Variants in TECRL observed in about 807,000 individuals in gnomAD.
TECRL encodes the protein trans-2,3-enoyl-CoA reductase-like.
In TECRL, 63 loss-of-function variants were observed where a neutral mutation model predicts 52.8. That is an observed-to-expected ratio of 1.19 (90% CI 0.97 to 1.47). The LOEUF is 1.47. Ranked by LOEUF, TECRL falls within the 40% of genes most tolerant of loss-of-function variation. The probability of loss-of-function intolerance (pLI) is 0.00; values close to 1 mark genes in which losing one functional copy is unlikely to be tolerated. For synonymous variants in TECRL, 164 were observed against 141.9 expected (o/e 1.16, Z -1.10); for missense variants, 482 against 429.6 (o/e 1.12, Z -1.08).
chr4:64,357,115 T>C (rs1424804477), intron 2 of TECRL, among the ~76,000 whole-genome samples: 1 of 152,132 alleles, frequency 6.6e-6, no homozygotes, highest in Non-Finnish European at 1.5e-5. Flanking sequence ...TAATGCCATA[T>C]AATATCACCC....
chr4:64,277,593 C>A (rs1722617137), downstream of TECRL: 1 of 151,860 alleles, frequency 6.6e-6, no homozygotes, highest in East Asian at 1.9e-4. Flanking sequence ...ACAGCCCCTA[C>A]CCAGTGTATA....
chr4:64,306,245 C>A (rs1410491635), intron 6 of TECRL, among the ~76,000 whole-genome samples: 3 of 152,134 alleles, frequency 2.0e-5, no homozygotes, highest in Admixed American at 2.0e-4. Flanking sequence ...AGGACTTTGT[C>A]AAAACCTCTT....
At chr4:64,404,377 T>C (rs890982866) in intron 1 of TECRL, among the ~76,000 whole-genome samples, 1 of 152,066 alleles carries the variant, frequency 6.6e-6, no homozygotes, top group African/African-American at 2.4e-5. Flanking sequence ...CATTGACTTA[T>C]CAGTAGATAA....
intron 1 of TECRL, among the ~76,000 whole-genome samples, chr4:64,382,507 A>C (rs1255115698): frequency 6.6e-6 from 1 of 150,896 alleles, no homozygotes; most frequent in Non-Finnish European, 1.5e-5. Flanking sequence ...TTTATTTTCA[A>C]ATTTAACTAA....
At position 64,279,906 on chromosome 4, in the gene TECRL, A is replaced by G; in HGVS notation, c.*166T>C. 1.6e-6 allele frequency: 2 copies of G among 1,214,542 alleles called. No individual in the cohort carries two copies. The highest frequency in any genetic ancestry group is 2.1e-6 in the Non-Finnish European group (2 of 972,260). The allele number at this position is 1,214,542 out of a possible 1,614,324, so 75.2% of individuals were successfully genotyped here. A position where few individuals can be genotyped will look rare whatever the true frequency, so the allele number is the denominator to read the frequency against. On this transcript the variant is annotated 3_prime_UTR_variant, in exon 12 of 12. Transcript: ENST00000381210. Reference sequence around the variant, plus strand: ...TTTATAATTTATACTTTTTATTACCATGTGCATTTCTCTAAATTTAGTGAA... The same window carrying G: ...TTTATAATTTATACTTTTTATTACCGTGTGCATTTCTCTAAATTTAGTGAA...
chr4:64,309,964 T>A (rs1232319647), intron 5 of TECRL, 33 bp from the exon 6 acceptor site: 1 of 1,434,466 alleles, frequency 7.0e-7, no homozygotes. Context: ...AACATGAAAA[T>A]CCTTTTGAAG....
intron 2 of TECRL, among the ~76,000 whole-genome samples, chr4:64,334,780 C>T (rs748342356): frequency 1.3e-5 from 2 of 152,080 alleles, no homozygotes; most frequent in Admixed American, 6.6e-5. Flanking sequence ...AGCTGGTTGC[C>T]TGTGATACGA....
At chr4:64,370,161 T>C (rs1237377724) in intron 2 of TECRL, among the ~76,000 whole-genome samples, 2 of 151,832 alleles carry the variant, frequency 1.3e-5, no homozygotes, top group Non-Finnish European at 2.9e-5. Flanking sequence ...TAAAGGTAGT[T>C]CAAATGGTCA....
intron 2 of TECRL, among the ~76,000 whole-genome samples, chr4:64,332,101 T>C (rs543891146): frequency 2.6e-5 from 4 of 152,292 alleles, no homozygotes; most frequent in Admixed American, 6.5e-5. Flanking sequence ...AAGCTGAGTC[T>C]AGCAACTACC....
chr4:64,350,062 AG>A (rs1253754903), intron 2 of TECRL, among the ~76,000 whole-genome samples: 2 of 137,480 alleles, frequency 1.5e-5, no homozygotes, highest in Non-Finnish European at 3.1e-5. Flanking sequence ...ACATAAGGAA[AG>A]AATCAACATC....
chr4:64,397,316 TAA>T (rs961939354), intron 1 of TECRL, among the ~76,000 whole-genome samples: 46 of 152,184 alleles, frequency 3.0e-4, no homozygotes, highest in Admixed American at 5.2e-4. Context: ...ACTGGATATA[TAA>T]GTTTGCCTAA....
At chr4:64,368,179 A>C (rs1165866158) in intron 2 of TECRL, among the ~76,000 whole-genome samples, 1 of 152,184 alleles carries the variant, frequency 6.6e-6, no homozygotes, top group Non-Finnish European at 1.5e-5. Flanking sequence ...TTACCAAAAA[A>C]TGTTACCATG....
intron 2 of TECRL, among the ~76,000 whole-genome samples, chr4:64,355,470 T>C (rs181946259): frequency 4.6e-5 from 7 of 152,114 alleles, no homozygotes; most frequent in South Asian, 4.1e-4. Flanking sequence ...CAAGAGATTA[T>C]GTAAAAGGGA....
Position 64,331,224 on chromosome 4 carries a change from T to A in TECRL, c.287-2668A>T, listed in dbSNP as rs562814713. Among the ~76,000 whole-genome samples the A allele has an allele frequency of 3.3e-5, 5 of 152,154 alleles. No homozygotes were observed. The East Asian group carries it at 9.7e-4, about 29-fold the overall frequency. On this transcript the variant is annotated intron_variant, in intron 2 of 11. Transcript: ENST00000381210. ...CCTGTTCAAAGATAGAAAATATATA[T>A]CCCCTGAGAATTTGTAAACAGCCAC...
At chr4:64,377,693 A>G (rs1003598909) in intron 1 of TECRL, among the ~76,000 whole-genome samples, 5 of 152,122 alleles carry the variant, frequency 3.3e-5, no homozygotes, top group African/African-American at 1.2e-4. Context: ...AATTTGAGTT[A>G]TAATTACTTT....
intron 2 of TECRL, among the ~76,000 whole-genome samples, chr4:64,332,174 G>A (rs1053531045): frequency 3.3e-5 from 5 of 152,158 alleles, no homozygotes; most frequent in African/African-American, 1.2e-4. Flanking sequence ...AGGCGAGGAA[G>A]CTGAGCAGGG....
chr4:64,315,511 G>C (rs191635574), intron 4 of TECRL, among the ~76,000 whole-genome samples: 1 of 152,142 alleles, frequency 6.6e-6, no homozygotes, highest in African/African-American at 2.4e-5. Context: ...ACAGATAAGG[G>C]AAAGTAATTT....
intron 1 of TECRL, among the ~76,000 whole-genome samples, chr4:64,389,721 G>T (rs1723418665): frequency 6.6e-6 from 1 of 151,656 alleles, no homozygotes; most frequent in African/African-American, 2.4e-5. Flanking sequence ...TAATCCATCT[G>T]GTCCTGGTAC....
intron 2 of TECRL, among the ~76,000 whole-genome samples, chr4:64,345,048 C>A (rs976372964): frequency 2.6e-5 from 4 of 152,140 alleles, no homozygotes; most frequent in Non-Finnish European, 5.9e-5. Flanking sequence ...ATTAAAAAGT[C>A]AGGAAACAAC....
Sources: allele counts gnomAD v4.1 joint callset (sites outside exome capture counted in the v4.1 genomes callset), GRCh38; gene constraint gnomAD v4.1.1; transcripts MANE v1.5; gene names NCBI Gene and HGNC (gene_info 2026-07-23, HGNC 2026-07-21).